INSM2: variants seen among roughly 807,000 people sequenced by gnomAD.
The protein encoded by INSM2 is insulinoma-associated protein 2.
Under a neutral mutation model 30.5 loss-of-function variants are expected in INSM2, and 12 were observed. That is an observed-to-expected ratio of 0.39 (90% CI 0.25 to 0.64). The LOEUF (loss-of-function observed/expected upper bound fraction) is 0.64, where lower values mean the gene tolerates loss of function less well. Among genes scored for constraint, INSM2 ranks in the 30% least tolerant of loss-of-function variants. The probability of loss-of-function intolerance (pLI) is 0.47; values close to 1 mark genes in which losing one functional copy is unlikely to be tolerated. For synonymous variants in INSM2, 418 were observed against 383.7 expected, an observed-to-expected ratio of 1.09 and a Z score of -1.05; for missense variants, 773 against 819.2, an observed-to-expected ratio of 0.94 and a Z score of 0.69.
In INSM2 at chr14:35,535,309, G is replaced by C; in HGVS notation, c.1057G>C (p.Gly353Arg). ...GGCCATTGCATCTTTTCTGGCGGAG[G>C]GAAAGGAGAACAGCCGAATAGAGCG... Reference protein sequence around the residue: ...SGAIASFLAEGKENSRIERTA... With the variant: ...SGAIASFLAERKENSRIERTA... The change falls in exon 1 of 1, where the codon GGA becomes CGA. Residue 353 changes from glycine (G) to arginine (R), a missense_variant. Physicochemically the swap from Gly to Arg is moderately radical, Grantham distance 125. Transcript: ENST00000307169. 6.2e-7 allele frequency: 1 copy of C among 1,612,438 alleles called. No individual in the cohort carries two copies.
At position 35,536,132 on chromosome 14, in the gene INSM2, C is replaced by G. The variant is rs2053597845; in HGVS notation, c.*179C>G. ...GAGCGGACAGTGAAATGTAATATCC[C>G]TCTCTAGAGCAGGTATGTATATGGT... On this transcript the variant is annotated 3_prime_UTR_variant, in exon 1 of 1. Transcript: ENST00000307169. 7.3e-6 allele frequency: 5 copies of G among 685,572 alleles called. No homozygotes were observed. In the South Asian group the frequency reaches 8.0e-5, roughly 11 times the overall value. 42.5% of individuals were successfully genotyped at this position (685,572 alleles called of 1,614,324 possible).
Position 35,536,924 on chromosome 14 carries a change from T to A in INSM2, c.*971T>A, listed in dbSNP as rs1348885055. 3 of 167,062 alleles carry A rather than the reference T, an allele frequency of 1.8e-5. No individual in the cohort carries two copies. Among genetic ancestry groups the A allele is most frequent in the African/African-American group, 4.8e-5 (2 of 41,452 alleles). 10.3% of individuals were successfully genotyped at this position (167,062 alleles called of 1,614,324 possible). A position where few individuals can be genotyped will look rare whatever the true frequency, so the allele number is the denominator to read the frequency against. On this transcript the variant is annotated 3_prime_UTR_variant, in exon 1 of 1. Coordinates refer to ENST00000307169, the MANE Select transcript of INSM2 (RefSeq NM_032594.4). ...AGCGGCAACTTGTTTTTGATTTTTT[T>A]AAAAAACCATTTCAGTGTACATTGT...
In INSM2 at chr14:35,534,894, G is replaced by T; in HGVS notation, c.642G>T (p.Ala214=). 6.3e-7 allele frequency: 1 copy of T among 1,589,950 alleles called. No homozygotes were observed. Among genetic ancestry groups the T allele is most frequent in the Non-Finnish European group, 8.5e-7 (1 of 1,171,566 alleles). The stretch of plus-strand genomic sequence containing the variant: ...ACTGCGCGTCTGGACCCGCGGCCGC[G>T]GGAATCAAGAAGCCAAAGGCCATGA... The part of the protein sequence containing the change: ...PTDCASGPAA[A]GIKKPKAMRK... Residue 214 remains alanine (A), a synonymous_variant, in exon 1 of 1, where the codon GCG becomes GCT. Coordinates refer to ENST00000307169, the MANE Select transcript of INSM2 (RefSeq NM_032594.4).
rs1201156411 is a variant in INSM2, at chr14:35,535,653, ACTTGCCTTCG to A, written c.1408_1417del (p.Phe470HisfsTer68). Reference sequence around the variant, plus strand: ...GCTTTGGCTCCGAACGCGGTGCCCCACTTGCCTTCGCTTGCCCATTGTGCGGAGCGCACTT... The same window carrying A: ...GCTTTGGCTCCGAACGCGGTGCCCCACTTGCCCATTGTGCGGAGCGCACTT... On this transcript the variant is annotated frameshift_variant, in exon 1 of 1. Coordinates refer to ENST00000307169, the MANE Select transcript of INSM2 (RefSeq NM_032594.4). LOFTEE classifies it high-confidence loss of function. 9 of 1,613,030 alleles carry A rather than the reference ACTTGCCTTCG, an allele frequency of 5.6e-6. No homozygotes were observed. The highest frequency in any genetic ancestry group is 7.6e-6 in the Non-Finnish European group (9 of 1,180,014).
In INSM2 at chr14:35,534,797, C is replaced by A. The variant is rs2053583262; in HGVS notation, c.545C>A (p.Ala182Glu). 2 of 1,457,576 alleles carry A rather than the reference C, an allele frequency of 1.4e-6. No individual in the cohort carries two copies. Among genetic ancestry groups the A allele is most frequent in the East Asian group, 2.8e-5 (1 of 35,542 alleles). 90.3% of individuals were successfully genotyped at this position (1,457,576 alleles called of 1,614,324 possible). The change falls in exon 1 of 1, where the codon GCG becomes GAG. Residue 182 changes from alanine to glutamate, a missense_variant. By Grantham distance (107) the Ala-to-Glu change is moderately radical (BLOSUM62 -1). Transcript: ENST00000307169. Reference protein sequence around the residue: ...FPEPALQPDPAPLSAALQSLK... With the variant: ...FPEPALQPDPEPLSAALQSLK... Reference sequence around the variant, plus strand: ...GAGCCCGCGCTTCAGCCGGACCCTGCGCCCCTCTCGGCCGCCCTTCAGAGT... The same window carrying A: ...GAGCCCGCGCTTCAGCCGGACCCTGAGCCCCTCTCGGCCGCCCTTCAGAGT...
chr14:35,534,868 G>T lies in INSM2; in HGVS notation c.616G>T (p.Asp206Tyr), dbSNP rs780681380. The stretch of plus-strand genomic sequence containing the variant: ...CGAGCGCCGCGGCAAGGCACCCACG[G>T]ACTGCGCGTCTGGACCCGCGGCCGC... ...GGERRGKAPT[D>Y]CASGPAAAGI... Residue 206 changes from aspartate to tyrosine, a missense_variant, in exon 1 of 1, where the codon GAC becomes TAC. Asp to Tyr is a radical substitution (Grantham distance 160). Coordinates refer to ENST00000307169, the MANE Select transcript of INSM2 (RefSeq NM_032594.4). 8 of 1,578,516 alleles carry T rather than the reference G, an allele frequency of 5.1e-6. No homozygotes were observed. The highest frequency in any genetic ancestry group is 6.9e-6 in the Non-Finnish European group (8 of 1,167,504).
chr14:35,535,232 C>G lies in INSM2; in HGVS notation c.980C>G (p.Ser327Cys), dbSNP rs750160401. The G allele has an allele frequency of 1.2e-6, 2 of 1,613,518 alleles. No individual in the cohort carries two copies. Among genetic ancestry groups the G allele is most frequent in the Admixed American group, 1.7e-5 (1 of 60,038 alleles). ...GCTGCAAACGCCGCCACAGTCTCCT[C>G]CGCCGACGGGAAGCCGCCTTCTTCG... ...PAAANAATVS[S>C]ADGKPPSSSS... is the part of the protein sequence containing the mutation. The change falls in exon 1 of 1, where the codon TCC (serine) becomes TGC (cysteine). Residue 327 changes from serine (S) to cysteine (C), a missense_variant. Ser to Cys is a moderately radical substitution (Grantham distance 112). Coordinates refer to ENST00000307169, the MANE Select transcript of INSM2 (RefSeq NM_032594.4).
rs1467418384 is a variant in INSM2, at chr14:35,534,757, C to A, written c.505C>A (p.Arg169=). 6 of 1,406,620 alleles carry A rather than the reference C, an allele frequency of 4.3e-6. No homozygotes were observed. The highest frequency in any genetic ancestry group is 5.5e-6 in the Non-Finnish European group (6 of 1,085,376). 87.1% of individuals were successfully genotyped at this position (1,406,620 alleles called of 1,614,324 possible). A position where few individuals can be genotyped will look rare whatever the true frequency, so the allele number is the denominator to read the frequency against. Residue 169 remains arginine, a synonymous_variant, in exon 1 of 1, where the codon CGG becomes AGG. Coordinates refer to ENST00000307169, the MANE Select transcript of INSM2 (RefSeq NM_032594.4). The part of the protein sequence containing the change: ...TPGEQFLLPL[R]APFPEPALQP... ...GGGGGAGCAGTTTCTGCTGCCGCTT[C>A]GGGCGCCGTTCCCAGAGCCCGCGCT... is the stretch of plus-strand genomic sequence containing the variant.
chr14:35,534,378 C>A lies in INSM2; in HGVS notation c.126C>A (p.Pro42=). 1 of 1,556,902 alleles carries A rather than the reference C, an allele frequency of 6.4e-7. No homozygotes were observed. The highest frequency in any genetic ancestry group is 8.7e-7 in the Non-Finnish European group (1 of 1,156,016). ...CGCCGCCCTTCTTGGAGGAGGCTCC[C>A]AGCGCCTCCTTGCCCGGCGCGGAGC... ...QGAPPFLEEA[P]SASLPGAERA... Residue 42 remains proline (P), a synonymous_variant, in exon 1 of 1, where the codon CCC becomes CCA. Transcript: ENST00000307169.
chr14:35,535,613 G>A lies in INSM2; in HGVS notation c.1361G>A (p.Arg454His), dbSNP rs554053535. Residue 454 changes from arginine (R) to histidine (H), a missense_variant, in exon 1 of 1, where the codon CGT becomes CAT. Transcript: ENST00000307169. ...HLSTHEAGSA[R>H]ALAPGFGSER... ...AGCACTCACGAGGCGGGCTCGGCCCGTGCGCTAGCGCCGGGCTTTGGCTCC... is the reference window on the plus strand; with the variant it reads ...AGCACTCACGAGGCGGGCTCGGCCCATGCGCTAGCGCCGGGCTTTGGCTCC... 1.1e-5 allele frequency: 18 copies of A among 1,613,130 alleles called. No individual in the cohort carries two copies. In the African/African-American group the frequency reaches 1.9e-4, roughly 17 times the overall value.
rs769457964 is a variant in INSM2 at position 35,534,872 on chromosome 14, G to A, written c.620G>A (p.Cys207Tyr). The A allele has an allele frequency of 4.4e-6, 7 of 1,580,500 alleles. No homozygotes were observed. In the East Asian group the frequency reaches 1.7e-4, roughly 38 times the overall value. Residue 207 changes from cysteine (C) to tyrosine (Y), a missense_variant, in exon 1 of 1, where the codon TGC (cysteine) becomes TAC (tyrosine). Transcript: ENST00000307169. ...CGCCGCGGCAAGGCACCCACGGACT[G>A]CGCGTCTGGACCCGCGGCCGCGGGA... ...GERRGKAPTD[C>Y]ASGPAAAGIK... is the part of the protein sequence containing the mutation.
Position 35,534,208 on chromosome 14 carries a change from G to C in INSM2, c.-45G>C. The C allele has an allele frequency of 6.5e-7, 1 of 1,548,396 alleles. No individual in the cohort carries two copies. Among genetic ancestry groups the C allele is most frequent in the Non-Finnish European group, 8.7e-7 (1 of 1,153,800 alleles). On this transcript the variant is annotated 5_prime_UTR_variant, in exon 1 of 1. Transcript: ENST00000307169. ...ATCTGCTGGCCGGCTCTCAGTCCCC[G>C]TGGCGCCCCCTTTCCTCTTGTCCCA...
chr14:35,534,768 C>A lies in INSM2; in HGVS notation c.516C>A (p.Phe172Leu). Residue 172 changes from phenylalanine (F) to leucine (L), a missense_variant, in exon 1 of 1, where the codon TTC (phenylalanine) becomes TTA (leucine). By Grantham distance (22) the Phe-to-Leu change is conservative. Transcript: ENST00000307169. ...EQFLLPLRAPFPEPALQPDPA... is the reference protein window; with the variant it reads ...EQFLLPLRAPLPEPALQPDPA... ...TTCTGCTGCCGCTTCGGGCGCCGTT[C>A]CCAGAGCCCGCGCTTCAGCCGGACC... 1 of 1,416,200 alleles carries A rather than the reference C, an allele frequency of 7.1e-7. No individual in the cohort carries two copies. The highest frequency in any genetic ancestry group is 9.2e-7 in the Non-Finnish European group (1 of 1,090,030). The allele number at this position is 1,416,200 out of a possible 1,614,324, so 87.7% of individuals were successfully genotyped here.
rs1394548469 is a variant in INSM2 at position 35,534,725 on chromosome 14, C to A, written c.473C>A (p.Pro158Gln). Reference protein sequence around the residue: ...FSCSVAPAAAPTPGEQFLLPL... With the variant: ...FSCSVAPAAAQTPGEQFLLPL... ...TGCTCCGTGGCGCCAGCAGCCGCAC[C>A]GACCCCGGGGGAGCAGTTTCTGCTG... Residue 158 changes from proline (P) to glutamine (Q), a missense_variant, in exon 1 of 1, where the codon CCG (proline) becomes CAG (glutamine). By Grantham distance (76) the Pro-to-Gln change is moderately conservative. Coordinates refer to ENST00000307169, the MANE Select transcript of INSM2 (RefSeq NM_032594.4). The A allele has an allele frequency of 2.9e-6, 4 of 1,390,760 alleles. No individual in the cohort carries two copies. The highest frequency in any genetic ancestry group is 3.7e-6 in the Non-Finnish European group (4 of 1,079,554). The allele number at this position is 1,390,760 out of a possible 1,614,324, so 86.2% of individuals were successfully genotyped here. A position where few individuals can be genotyped will look rare whatever the true frequency, so the allele number is the denominator to read the frequency against.
At position 35,534,844 on chromosome 14, in the gene INSM2, G is replaced by C. The variant is rs764283069; in HGVS notation, c.592G>C (p.Glu198Gln). The change falls in exon 1 of 1, where the codon GAG becomes CAG. Residue 198 changes from glutamate (E) to glutamine (Q), a missense_variant. By Grantham distance (29) the Glu-to-Gln change is conservative. Transcript: ENST00000307169. ...GAGTCTGAAGCGGGCGGCCGGCGGCGAGCGCCGCGGCAAGGCACCCACGGA... is the reference window on the plus strand; with the variant it reads ...GAGTCTGAAGCGGGCGGCCGGCGGCCAGCGCCGCGGCAAGGCACCCACGGA... ...LQSLKRAAGG[E>Q]RRGKAPTDCA... The C allele has an allele frequency of 6.5e-7, 1 of 1,529,730 alleles. No individual in the cohort carries two copies. The highest frequency in any genetic ancestry group is 8.7e-7 in the Non-Finnish European group (1 of 1,146,568). The allele number at this position is 1,529,730 out of a possible 1,614,324, so 94.8% of individuals were successfully genotyped here.
chr14:35,536,558 T>C lies in INSM2; in HGVS notation c.*605T>C, dbSNP rs1273411808. ...GTAAACTTTCCTTTGCCCAATTATA[T>C]GTACATGTCCATTCTTAAGTTGGTG... On this transcript the variant is annotated 3_prime_UTR_variant, in exon 1 of 1. Transcript: ENST00000307169. The C allele has an allele frequency of 6.0e-6, 1 of 167,166 alleles. No homozygotes were observed. The highest frequency in any genetic ancestry group is 2.4e-5 in the African/African-American group (1 of 41,476). The allele number at this position is 167,166 out of a possible 1,614,324, so 10.4% of individuals were successfully genotyped here.
At position 35,535,638 on chromosome 14, in the gene INSM2, C is replaced by T. The variant is rs1456290479; in HGVS notation, c.1386C>T (p.Ser462=). The T allele has an allele frequency of 1.2e-6, 2 of 1,613,028 alleles. No homozygotes were observed. The highest frequency in any genetic ancestry group is 3.3e-5 in the Admixed American group (2 of 60,014). ...SARALAPGFG[S]ERGAPLAFAC... ...GTGCGCTAGCGCCGGGCTTTGGCTC[C>T]GAACGCGGTGCCCCACTTGCCTTCG... Residue 462 remains serine, a synonymous_variant, in exon 1 of 1, where the codon TCC becomes TCT. Transcript: ENST00000307169.
chr14:35,536,851 A>C lies in INSM2; in HGVS notation c.*898A>C, dbSNP rs1349657928. On this transcript the variant is annotated 3_prime_UTR_variant, in exon 1 of 1. Coordinates refer to ENST00000307169, the MANE Select transcript of INSM2 (RefSeq NM_032594.4). The stretch of plus-strand genomic sequence containing the variant: ...AGGAAGATGTTAACACCTGTAATCC[A>C]CTAAGGAACTGAATGGCAATTTGCT... 3 of 167,114 alleles carry C rather than the reference A, an allele frequency of 1.8e-5. No individual in the cohort carries two copies. Among genetic ancestry groups the C allele is most frequent in the African/African-American group, 7.2e-5 (3 of 41,474 alleles). 10.4% of individuals were successfully genotyped at this position (167,114 alleles called of 1,614,324 possible). A position where few individuals can be genotyped will look rare whatever the true frequency, so the allele number is the denominator to read the frequency against.
Position 35,534,320 on chromosome 14 carries a change from A to G in INSM2, c.68A>G (p.Glu23Gly), listed in dbSNP as rs780113915. 2.5e-6 allele frequency: 4 copies of G among 1,593,036 alleles called. No homozygotes were observed. The highest frequency in any genetic ancestry group is 3.4e-6 in the Non-Finnish European group (4 of 1,170,684). ...TGGLYRVRLAERVFPLLGPQG... is the reference protein window; with the variant it reads ...TGGLYRVRLAGRVFPLLGPQG... ...GGCTTGTACCGAGTTCGCCTTGCGG[A>G]GCGTGTCTTCCCTCTGCTGGGGCCC... Residue 23 changes from glutamate (E) to glycine (G), a missense_variant, in exon 1 of 1, where the codon GAG becomes GGG. Glu to Gly is a moderately conservative substitution (Grantham distance 98). Transcript: ENST00000307169.
Sources: allele counts gnomAD v4.1 joint callset, GRCh38; gene constraint gnomAD v4.1.1; transcripts MANE v1.5; gene names NCBI Gene and HGNC (gene_info 2026-07-23, HGNC 2026-07-21).